The following CLASP1 variants were observed in gnomAD, a reference collection of about 807,000 sequenced individuals.
The protein encoded by CLASP1 is cytoplasmic linker associated protein 1.
CLASP1 carries 38 observed loss-of-function variants against 192.3 expected under a neutral mutation model. The observed-to-expected ratio is 0.20, with a 90% CI of 0.15 to 0.26. The LOEUF (loss-of-function observed/expected upper bound fraction) is 0.26. Among genes scored for constraint, CLASP1 ranks in the 10% least tolerant of loss-of-function variants. The pLI, the probability that CLASP1 is intolerant of heterozygous loss-of-function variation, is 1.00. For synonymous variants in CLASP1, 691 were observed against 712.8 expected (o/e 0.97, Z 0.49); for missense variants, 1,433 against 1,932.5 (o/e 0.74, Z 4.85).
intron 8 of CLASP1, among the ~76,000 whole-genome samples, chr2:121,491,442 C>A (rs1016270371): frequency 6.6e-6 from 1 of 152,154 alleles, no homozygotes; most frequent in African/African-American, 2.4e-5. Flanking sequence ...TCAATCAAAT[C>A]CAATTAAAGA....
At chr2:121,561,691 AG>A (rs2059103177) in intron 2 of CLASP1, among the ~76,000 whole-genome samples, 1 of 152,230 alleles carries the variant, frequency 6.6e-6, no homozygotes, top group South Asian at 2.1e-4. Context: ...CTTCTGAGCC[AG>A]GGGTTGGAAA....
intron 2 of CLASP1, among the ~76,000 whole-genome samples, chr2:121,580,639 G>A (rs2061024243): frequency 1.3e-5 from 2 of 152,070 alleles, no homozygotes; most frequent in South Asian, 2.1e-4. Context: ...GTGCACCATC[G>A]CCTGGATAAA....
rs1272871282 is a variant in CLASP1, at chr2:121,589,871, A to AACAAATAGAC, written c.195+15820_195+15829dup. On this transcript the variant is annotated intron_variant, in intron 2 of 39. Transcript: ENST00000263710. ...AAAAAAGATAACTGGATTAAACAACAACAAATAGACCCAAATAGATCCATT... is the reference window on the plus strand; with the variant it reads ...AAAAAAGATAACTGGATTAAACAACAACAAATAGACACAAATAGACCCAAATAGATCCATT... 2.6e-5 allele frequency among the ~76,000 whole-genome samples: 4 copies of AACAAATAGAC among 152,020 alleles called. 1 individual carries two copies. Among genetic ancestry groups the AACAAATAGAC allele is most frequent in the Admixed American group, 6.6e-5 (1 of 15,254 alleles).
intron 2 of CLASP1, among the ~76,000 whole-genome samples, chr2:121,569,909 G>C (rs185204468): frequency 4.7e-4 from 71 of 152,286 alleles, no homozygotes; most frequent in African/African-American, 1.6e-3. Flanking sequence ...TTTGTAAACT[G>C]TGCTGATGTG....
chr2:121,522,712 T>C (rs1342257747), intron 6 of CLASP1, among the ~76,000 whole-genome samples: 5 of 152,202 alleles, frequency 3.3e-5, no homozygotes, highest in African/African-American at 4.8e-5. Flanking sequence ...GTGAAACTAG[T>C]GTCTGGTATA....
chr2:121,427,824 C>G lies in CLASP1; in HGVS notation c.2018-394G>C, dbSNP rs546925056. The stretch of plus-strand genomic sequence containing the variant: ...AGAAACTGCTGTTAACTAGTTTCAC[C>G]TGTCCTGACTTCCCATAAACCTCAA... On this transcript the variant is annotated intron_variant, in intron 20 of 39. Transcript: ENST00000263710. Among the ~76,000 whole-genome samples the G allele has an allele frequency of 3.3e-5, 5 of 152,264 alleles. No homozygotes were observed. In the South Asian group the frequency reaches 1.0e-3, roughly 32 times the overall value.
chr2:121,591,691 T>C (rs995227785), intron 2 of CLASP1, among the ~76,000 whole-genome samples: 2 of 152,184 alleles, frequency 1.3e-5, no homozygotes, highest in African/African-American at 4.8e-5. Context: ...AACATCTTCC[T>C]TCATGGAGCC....
intron 2 of CLASP1, among the ~76,000 whole-genome samples, chr2:121,576,201 A>T (rs2141912): frequency 0.43 from 64,410 of 151,360 alleles, 16,526 homozygotes; most frequent in African/African-American, 0.73. Context: ...TTTTTTTTTT[A>T]AAAAAAGGGG....
At chr2:121,463,996 T>TC (rs1442668649) in intron 9 of CLASP1, among the ~76,000 whole-genome samples, 1 of 80,572 alleles carries the variant, frequency 1.2e-5, no homozygotes, top group African/African-American at 5.1e-5. Context: ...CCCTCCCCCC[T>TC]CCCCCCACCC....
intron 1 of CLASP1, among the ~76,000 whole-genome samples, chr2:121,632,003 C>T (rs1257382840): frequency 1.3e-5 from 2 of 151,844 alleles, no homozygotes; most frequent in Admixed American, 6.6e-5. Flanking sequence ...GCCGAGATCA[C>T]GCCACTGCAC....
intron 1 of CLASP1, among the ~76,000 whole-genome samples, chr2:121,623,140 CT>C (rs2067678656): frequency 6.6e-6 from 1 of 152,124 alleles, no homozygotes; most frequent in African/African-American, 2.4e-5. Flanking sequence ...AGCATTCTGT[CT>C]TTCATCATTA....
At chr2:121,522,183 CAT>C (rs1204299692) in intron 6 of CLASP1, among the ~76,000 whole-genome samples, 2 of 152,098 alleles carry the variant, frequency 1.3e-5, no homozygotes, top group Non-Finnish European at 2.9e-5. Flanking sequence ...TCCTAAGGCA[CAT>C]GTGAATATAT....
At chr2:121,346,193 G>C (rs2063430699) in intron 39 of CLASP1, among the ~76,000 whole-genome samples, 1 of 152,188 alleles carries the variant, frequency 6.6e-6, no homozygotes, top group Admixed American at 6.5e-5. Flanking sequence ...TGTATAAAAA[G>C]GTGGGGATTT....
exon 9 of CLASP1, chr2:121,469,876 G>A: frequency 1.2e-6 from 2 of 1,613,882 alleles, no homozygotes; most frequent in Non-Finnish European, 1.7e-6. Flanking sequence ...GTTTCTCCGA[G>A]AACTTGGTGG....
chr2:121,383,696 T>C (rs1001951177), intron 32 of CLASP1, among the ~76,000 whole-genome samples: 1 of 152,030 alleles, frequency 6.6e-6, no homozygotes, highest in African/African-American at 2.4e-5. Flanking sequence ...ATATACTTTT[T>C]TTTTTCTTAA....
chr2:121,647,413 AAT>A (rs749158257), intron 1 of CLASP1, among the ~76,000 whole-genome samples: 2 of 152,132 alleles, frequency 1.3e-5, no homozygotes, highest in Non-Finnish European at 2.9e-5. Context: ...CAGTAAACAA[AAT>A]ATAACACACT....
intron 2 of CLASP1, among the ~76,000 whole-genome samples, chr2:121,591,987 T>C (rs2062455743): frequency 6.6e-6 from 1 of 152,214 alleles, no homozygotes. Flanking sequence ...TCTCTGGATT[T>C]CTTACCATGG....
intron 1 of CLASP1, among the ~76,000 whole-genome samples, chr2:121,617,873 A>T (rs1255656760): frequency 1.3e-5 from 2 of 152,182 alleles, no homozygotes; most frequent in Non-Finnish European, 2.9e-5. Flanking sequence ...TCCAAGCCAA[A>T]TACCTCTGAG....
chr2:121,537,591 G>A (rs1010615427), intron 2 of CLASP1, among the ~76,000 whole-genome samples: 3 of 152,080 alleles, frequency 2.0e-5, no homozygotes, highest in African/African-American at 7.2e-5. Context: ...GACCAATACT[G>A]CCAACAATAA....
Sources: allele counts gnomAD v4.1 joint callset (sites outside exome capture counted in the v4.1 genomes callset), GRCh38; gene constraint gnomAD v4.1.1; transcripts MANE v1.5; gene names NCBI Gene and HGNC (gene_info 2026-07-23, HGNC 2026-07-21).